Variants in RTN1 observed in about 807,000 individuals in gnomAD.
RTN1 encodes the protein reticulon-1.
In RTN1, 25 loss-of-function variants were observed where a neutral mutation model predicts 65.5. That is an observed-to-expected ratio of 0.38 (90% confidence interval 0.28 to 0.53). The LOEUF is 0.53. RTN1 is among the 20% of genes least tolerant of loss of function. The pLI, the probability that RTN1 is intolerant of heterozygous loss-of-function variation, is 0.79. For missense variants in RTN1, 983 were observed against 1,025.4 expected (o/e 0.96, Z 0.57); for synonymous variants, 471 against 447.6 (o/e 1.05, Z -0.66).
At chr14:59,702,238 G>T (rs1415799357) in intron 3 of RTN1, among the ~76,000 whole-genome samples, 1 of 152,192 alleles carries the variant, frequency 6.6e-6, no homozygotes, top group Non-Finnish European at 1.5e-5. Context: ...GCACTGGAAA[G>T]TCTGTGCAAG....
At position 59,825,554 on chromosome 14, in the gene RTN1, T is replaced by C. The variant is rs764680559; in HGVS notation, c.241+44836A>G. 2.6e-5 allele frequency among the ~76,000 whole-genome samples: 4 copies of C among 152,250 alleles called. No individual in the cohort carries two copies. Among genetic ancestry groups the C allele is most frequent in the Non-Finnish European group, 4.4e-5 (3 of 68,038 alleles). The stretch of plus-strand genomic sequence containing the variant: ...CAGCAGCATGAGAGGAAGGCGGCTG[T>C]GTCCTGGCTTTCTGGACTTCCAGCT... On this transcript the variant is annotated intron_variant, in intron 1 of 8. Transcript: ENST00000267484. This position sits in a 1 kb window ranked among gnomAD's most constrained non-coding sequence, Gnocchi z 4.2.
At chr14:59,833,654 A>G (rs1340602129) in intron 1 of RTN1, among the ~76,000 whole-genome samples, 1 of 152,090 alleles carries the variant, frequency 6.6e-6, no homozygotes. Context: ...ATAGTACCCA[A>G]TAGGTAGTTT....
Position 59,803,576 on chromosome 14 carries a change from A to G in RTN1, c.242-57095T>C, listed in dbSNP as rs1886584582. Among the ~76,000 whole-genome samples, 2 of 152,048 alleles carry G rather than the reference A, an allele frequency of 1.3e-5. No homozygotes were observed. The highest frequency in any genetic ancestry group is 4.8e-5 in the African/African-American group (2 of 41,396). On this transcript the variant is annotated intron_variant, in intron 1 of 8. Transcript: ENST00000267484. The surrounding 1 kb of genome is among the most constrained non-coding windows in gnomAD (Gnocchi z 5.6). ...GTGTGAGATCTCCCAGAATTTTCCT[A>G]CCTGGGAAATCAGCATCATTTACTG...
chr14:59,745,655 T>G, intron 2 of RTN1, 53 bp downstream of exon 2: 31 of 1,440,018 alleles, frequency 2.2e-5, no homozygotes, highest in Non-Finnish European at 2.6e-5. Flanking sequence ...TTTTAGGGAT[T>G]GAGATTTCCA....
chr14:59,784,285 T>C (rs747680159), intron 1 of RTN1, among the ~76,000 whole-genome samples: 3 of 151,858 alleles, frequency 2.0e-5, no homozygotes, highest in Non-Finnish European at 2.9e-5. Context: ...CTAAAAAAAA[T>C]ACAAAATTAG....
chr14:59,848,518 G>C (rs1242348735), intron 1 of RTN1, among the ~76,000 whole-genome samples: 1 of 152,164 alleles, frequency 6.6e-6, no homozygotes, highest in Non-Finnish European at 1.5e-5. Context: ...GGTTTTTGCT[G>C]ATTATTCTTA....
rs1887207296 is a variant in RTN1, at chr14:59,836,022, T to C, written c.241+34368A>G. On this transcript the variant is annotated intron_variant, in intron 1 of 8. Coordinates refer to ENST00000267484, the MANE Select transcript of RTN1 (RefSeq NM_021136.3). The surrounding 1 kb of genome is among the most constrained non-coding windows in gnomAD (Gnocchi z 4.9). ...TTTTTCCAGGTCCTTGGCTCTATTCTTCCCTCCCATCACTTCAATTCTGAT... is the reference window on the plus strand; with the variant it reads ...TTTTTCCAGGTCCTTGGCTCTATTCCTCCCTCCCATCACTTCAATTCTGAT... 6.6e-6 allele frequency among the ~76,000 whole-genome samples: 1 copy of C among 152,150 alleles called. No individual in the cohort carries two copies. The highest frequency in any genetic ancestry group is 1.5e-5 in the Non-Finnish European group (1 of 68,014).
At chr14:59,609,013 G>A (rs981881725) in intron 3 of RTN1, among the ~76,000 whole-genome samples, 2 of 152,166 alleles carry the variant, frequency 1.3e-5, no homozygotes, top group Admixed American at 6.5e-5. Flanking sequence ...GGCTGGGCAT[G>A]GTGGCTCATG....
chr14:59,845,854 GA>G (rs80332309), intron 1 of RTN1, among the ~76,000 whole-genome samples: 3 of 151,774 alleles, frequency 2.0e-5, no homozygotes, highest in Non-Finnish European at 4.4e-5. Flanking sequence ...TCAAGGCCCA[GA>G]AAAAGAAGCT....
chr14:59,845,543 T>C (rs1293638561), intron 1 of RTN1, among the ~76,000 whole-genome samples: 2 of 152,210 alleles, frequency 1.3e-5, no homozygotes, highest in Non-Finnish European at 2.9e-5. Flanking sequence ...ATTCTACTCC[T>C]ACCTTCCACA....
intron 3 of RTN1, among the ~76,000 whole-genome samples, chr14:59,660,200 T>C (rs1883215223): frequency 6.6e-6 from 1 of 152,136 alleles, no homozygotes; most frequent in South Asian, 2.1e-4. Flanking sequence ...CTATCCTAAA[T>C]ATATATGCAC....
At chr14:59,795,578 A>G (rs1886424256) in intron 1 of RTN1, among the ~76,000 whole-genome samples, 1 of 152,138 alleles carries the variant, frequency 6.6e-6, no homozygotes, top group African/African-American at 2.4e-5. Context: ...CAAAATATCT[A>G]TCCGTATTAT....
chr14:59,748,214 T>G (rs1030364055), intron 1 of RTN1, among the ~76,000 whole-genome samples: 1 of 151,286 alleles, frequency 6.6e-6, no homozygotes, highest in Non-Finnish European at 1.5e-5. Context: ...TGTGAGGTTT[T>G]TTTTTTTTTT....
chr14:59,742,107 G>T (rs1029375590), intron 2 of RTN1, among the ~76,000 whole-genome samples: 1 of 152,058 alleles, frequency 6.6e-6, no homozygotes, highest in South Asian at 2.1e-4. Flanking sequence ...AATATTTTTT[G>T]AACAAAAGAA....
intron 3 of RTN1, among the ~76,000 whole-genome samples, chr14:59,615,236 G>C (rs1300341975): frequency 6.6e-6 from 1 of 152,082 alleles, no homozygotes; most frequent in Non-Finnish European, 1.5e-5. Flanking sequence ...GATCACCTGA[G>C]GTCAGGAGTT....
At chr14:59,783,825 C>T (rs569783312) in intron 1 of RTN1, among the ~76,000 whole-genome samples, 160 of 149,640 alleles carry the variant, frequency 1.1e-3, no homozygotes, top group Non-Finnish European at 1.8e-3. Flanking sequence ...GCAAAATGCA[C>T]TATAGACCTG....
At chr14:59,797,423 G>T (rs765048633) in intron 1 of RTN1, among the ~76,000 whole-genome samples, 12 of 152,158 alleles carry the variant, frequency 7.9e-5, no homozygotes, top group Non-Finnish European at 1.6e-4. Flanking sequence ...ATTCTGAAAA[G>T]GCACTGCAAT....
At chr14:59,612,746 G>A (rs1242497678) in intron 3 of RTN1, among the ~76,000 whole-genome samples, 4 of 152,116 alleles carry the variant, frequency 2.6e-5, no homozygotes, top group Admixed American at 1.3e-4. Flanking sequence ...GTGACCATGC[G>A]GGGATACTTT....
Position 59,727,821 on chromosome 14 carries a change from T to C in RTN1, c.1016-153A>G. 7 of 1,139,978 alleles carry C rather than the reference T, an allele frequency of 6.1e-6. No individual in the cohort carries two copies. Among genetic ancestry groups the C allele is most frequent in the Non-Finnish European group, 8.3e-6 (7 of 841,312 alleles). 70.6% of individuals were successfully genotyped at this position (1,139,978 alleles called of 1,614,324 possible). A position where few individuals can be genotyped will look rare whatever the true frequency, so the allele number is the denominator to read the frequency against. The stretch of plus-strand genomic sequence containing the variant: ...TCTCATTAGCACAAAAATAATCTGT[T>C]TCCAGGGCTATGCTGGAAAGACAGG... On this transcript the variant is annotated intron_variant, in intron 2 of 8. Coordinates refer to ENST00000267484, the MANE Select transcript of RTN1 (RefSeq NM_021136.3). The surrounding 1 kb of genome is among the most constrained non-coding windows in gnomAD (Gnocchi z 4.2).
Sources: gnomAD v4.1 joint callset for allele counts (sites outside exome capture counted in the v4.1 genomes callset) on GRCh38, gnomAD v4.1.1 for gene constraint, Gnocchi (gnomAD v3.1) non-coding constraint, MANE v1.5 for transcripts, NCBI Gene and HGNC (gene_info 2026-07-23, HGNC 2026-07-21) for gene names.